Variants in PXDNL observed in about 807,000 individuals in gnomAD.
PXDNL encodes the protein peroxidasin like, also known as probable oxidoreductase PXDNL.
A neutral mutation model predicts 150.8 loss-of-function variants in PXDNL; 145 were observed. The observed-to-expected ratio is 0.96, with a 90% CI of 0.84 to 1.10. PXDNL has a LOEUF of 1.10. PXDNL is among the 50% of genes least tolerant of loss of function. The pLI, the probability that PXDNL is intolerant of heterozygous loss-of-function variation, is 0.00. For synonymous variants in PXDNL, 757 were observed against 725.7 expected (o/e 1.04, Z -0.69); for missense variants, 2,087 against 1,873.9 (o/e 1.11, Z -2.10).
intron 1 of PXDNL, among the ~76,000 whole-genome samples, chr8:51,694,679 T>C (rs1308475783): frequency 6.6e-6 from 1 of 152,242 alleles, no homozygotes; most frequent in Non-Finnish European, 1.5e-5. Flanking sequence ...GCAAGCTGTG[T>C]GATCTCAAAC....
chr8:51,443,544 A>T (rs1187754033), intron 12 of PXDNL, among the ~76,000 whole-genome samples: 1 of 152,206 alleles, frequency 6.6e-6, no homozygotes, highest in Non-Finnish European at 1.5e-5. Context: ...AGCTATGCTT[A>T]CTGCATTGGG....
At chr8:51,750,013 T>C (rs2037027643) in intron 1 of PXDNL, among the ~76,000 whole-genome samples, 1 of 152,180 alleles carries the variant, frequency 6.6e-6, no homozygotes, top group African/African-American at 2.4e-5. Context: ...TAAACTTATT[T>C]TTTAAAATTT....
chr8:51,809,148 A>T, intron 1 of PXDNL, 33 bp downstream of exon 1: 1 of 1,611,000 alleles, frequency 6.2e-7, no homozygotes, highest in Non-Finnish European at 8.5e-7. Flanking sequence ...AGCATTGGGG[A>T]AGAGGGTTTC....
intron 10 of PXDNL, among the ~76,000 whole-genome samples, chr8:51,449,375 C>A (rs1442034636): frequency 6.6e-6 from 1 of 152,164 alleles, no homozygotes; most frequent in African/African-American, 2.4e-5. Context: ...AATCTTACGG[C>A]AGCTGTTTCC....
chr8:51,451,682 C>T lies in PXDNL; in HGVS notation c.1249+1837G>A, dbSNP rs545778421. On this transcript the variant is annotated intron_variant, in intron 10 of 22. Coordinates refer to ENST00000356297, the MANE Select transcript of PXDNL (RefSeq NM_144651.5). Reference sequence around the variant, plus strand: ...TTTATTTGTGTTATTTTATTTTAGTCAGTCTAAAAAAGGAAGTTTATCTGT... The same window carrying T: ...TTTATTTGTGTTATTTTATTTTAGTTAGTCTAAAAAAGGAAGTTTATCTGT... Among the ~76,000 whole-genome samples the T allele has an allele frequency of 3.9e-5, 6 of 151,930 alleles. No homozygotes were observed. The South Asian group carries it at 1.2e-3, about 32-fold the overall frequency.
At position 51,408,313 on chromosome 8, in the gene PXDNL, AG is replaced by A; in HGVS notation, c.3310del (p.Leu1104CysfsTer19). On this transcript the variant is annotated frameshift_variant, in exon 17 of 23. Transcript: ENST00000356297. LOFTEE classifies it high-confidence loss of function. ...EGGIDPVLRGLFGVAAKWRAP... is the reference protein window; with the variant it reads ...EGGIDPVLRGXFGVAAKWRAP... The stretch of plus-strand genomic sequence containing the variant: ...CCGCCATTTAGCAGCCACGCCAAAC[AG>A]CCCCCGGAGAACCGGGTCTATCCCA... 1 of 1,614,004 alleles carries A rather than the reference AG, an allele frequency of 6.2e-7. No homozygotes were observed. Among genetic ancestry groups the A allele is most frequent in the Non-Finnish European group, 8.5e-7 (1 of 1,179,874 alleles).
At chr8:51,694,255 T>G (rs1816066557) in intron 1 of PXDNL, among the ~76,000 whole-genome samples, 1 of 152,122 alleles carries the variant, frequency 6.6e-6, no homozygotes, top group Non-Finnish European at 1.5e-5. Context: ...CCCAGCCACT[T>G]GGAAGGCTGA....
intron 12 of PXDNL, among the ~76,000 whole-genome samples, chr8:51,442,199 G>C (rs185842094): frequency 5.7e-4 from 86 of 151,376 alleles, no homozygotes; most frequent in African/African-American, 1.7e-3. Context: ...TTAATTCCCA[G>C]ATAAAATGGA....
intron 1 of PXDNL, among the ~76,000 whole-genome samples, chr8:51,778,731 C>T (rs79950154): frequency 0.012 from 1,861 of 152,320 alleles, 15 homozygotes; most frequent in South Asian, 0.019. Flanking sequence ...GCTTTGGAGC[C>T]TCCCACGCTT....
chr8:51,802,867 T>TA (rs2037635377), intron 1 of PXDNL, among the ~76,000 whole-genome samples: 1 of 152,242 alleles, frequency 6.6e-6, no homozygotes, highest in Non-Finnish European at 1.5e-5. Flanking sequence ...TAGTGGTACC[T>TA]ATTTGTTTTT....
chr8:51,363,795 G>T (rs188561262), intron 19 of PXDNL, among the ~76,000 whole-genome samples: 176 of 152,226 alleles, frequency 1.2e-3, no homozygotes, highest in African/African-American at 3.9e-3. Context: ...CATTTTCAGT[G>T]CATGTTTTCT....
intron 1 of PXDNL, among the ~76,000 whole-genome samples, chr8:51,678,897 A>T (rs1815686109): frequency 6.6e-6 from 1 of 152,198 alleles, no homozygotes; most frequent in South Asian, 2.1e-4. Context: ...TTTTAACTGG[A>T]TTGTTTTGAC....
chr8:51,744,511 CA>C (rs757648122), intron 1 of PXDNL, among the ~76,000 whole-genome samples: 5,496 of 124,888 alleles, frequency 0.044, 280 homozygotes, highest in African/African-American at 0.13. Context: ...ACTAAAAATA[CA>C]AAAAAAAAAA....
intron 17 of PXDNL, among the ~76,000 whole-genome samples, chr8:51,390,569 T>C (rs1005384419): frequency 2.0e-5 from 3 of 152,158 alleles, no homozygotes; most frequent in African/African-American, 7.2e-5. Context: ...ATTCTATAAA[T>C]TTGCATGATA....
chr8:51,728,304 A>G (rs1213987433), intron 1 of PXDNL, among the ~76,000 whole-genome samples: 5 of 152,246 alleles, frequency 3.3e-5, no homozygotes, highest in Admixed American at 2.0e-4. Flanking sequence ...ACTGATTTAT[A>G]TACTCATTAT....
chr8:51,396,147 G>A (rs76499810), intron 17 of PXDNL, among the ~76,000 whole-genome samples: 4 of 152,092 alleles, frequency 2.6e-5, no homozygotes, highest in African/African-American at 9.7e-5. Flanking sequence ...CTATGCCTGC[G>A]AGAAGAAAGG....
chr8:51,360,254 TG>T (rs1264350216), intron 19 of PXDNL, among the ~76,000 whole-genome samples: 1 of 152,174 alleles, frequency 6.6e-6, no homozygotes, highest in Non-Finnish European at 1.5e-5. Flanking sequence ...TACCCATATG[TG>T]TACACATCTA....
At chr8:51,698,922 T>C (rs1362605390) in intron 1 of PXDNL, among the ~76,000 whole-genome samples, 1 of 152,200 alleles carries the variant, frequency 6.6e-6, no homozygotes, top group African/African-American at 2.4e-5. Flanking sequence ...GGTAATATTT[T>C]GAAAGGAATC....
intron 4 of PXDNL, among the ~76,000 whole-genome samples, chr8:51,544,613 C>G (rs958326690): frequency 6.6e-6 from 1 of 152,176 alleles, no homozygotes; most frequent in Non-Finnish European, 1.5e-5. Context: ...AATTTTCAAT[C>G]AGCAAACAAT....
Sources: gnomAD v4.1 joint callset for allele counts (sites outside exome capture counted in the v4.1 genomes callset) on GRCh38, gnomAD v4.1.1 for gene constraint, MANE v1.5 for transcripts, NCBI Gene and HGNC (gene_info 2026-07-23, HGNC 2026-07-21) for gene names.